SNX29: variants seen among roughly 807,000 people sequenced by gnomAD.
SNX29 encodes sorting nexin 29, also known as sorting nexin-29.
SNX29 carries 78 observed loss-of-function variants against 102.1 expected under a neutral mutation model. The ratio of observed to expected loss-of-function variants is 0.76; its 90% CI spans 0.64 to 0.92. SNX29 has a LOEUF of 0.92. SNX29 is among the 40% of genes least tolerant of loss of function. SNX29 has a pLI of 0.00. For synonymous variants in SNX29, 580 were observed against 414.5 expected (o/e 1.40, Z -4.85); for missense variants, 1,280 against 1,061.7 (o/e 1.21, Z -2.86).
At chr16:12,192,957 C>T (rs2141914980) in intron 13 of SNX29, among the ~76,000 whole-genome samples, 1 of 152,296 alleles carries the variant, frequency 6.6e-6, no homozygotes. Context: ...CTGCCTCGGC[C>T]TCCCAAAGTG....
chr16:11,991,271 G>A (rs952444285), intron 1 of SNX29, among the ~76,000 whole-genome samples: 14 of 152,118 alleles, frequency 9.2e-5, no homozygotes, highest in East Asian at 1.9e-4. Context: ...TGCCCTTCCC[G>A]ATGCTCTAGC....
intron 17 of SNX29, among the ~76,000 whole-genome samples, chr16:12,399,801 C>G (rs2083868501): frequency 6.6e-6 from 1 of 151,966 alleles, no homozygotes; most frequent in Admixed American, 6.6e-5. Context: ...GGATGAAAAT[C>G]AAAGGTGAAT....
At chr16:12,521,323 C>A (rs1407025427) in intron 19 of SNX29, among the ~76,000 whole-genome samples, 3 of 152,006 alleles carry the variant, frequency 2.0e-5, no homozygotes, top group African/African-American at 7.3e-5. Context: ...CAGAACCTGG[C>A]TTAGGTTTCC....
At chr16:12,566,633 T>TC (rs963469559) in intron 20 of SNX29, among the ~76,000 whole-genome samples, 2 of 152,316 alleles carry the variant, frequency 1.3e-5, no homozygotes, top group African/African-American at 4.8e-5. Flanking sequence ...AGCAAAGACC[T>TC]CCTTCCAGCA....
At chr16:12,552,400 C>T (rs759343856) in intron 20 of SNX29, among the ~76,000 whole-genome samples, 10 of 152,190 alleles carry the variant, frequency 6.6e-5, no homozygotes, top group Non-Finnish European at 1.0e-4. Context: ...TGGCGCAGAG[C>T]AGTGGTGAGG....
At chr16:12,104,579 A>C (rs959389661) in intron 11 of SNX29, among the ~76,000 whole-genome samples, 4 of 151,978 alleles carry the variant, frequency 2.6e-5, no homozygotes, top group Admixed American at 2.6e-4. Flanking sequence ...AATAAACAAA[A>C]AAAAAAAACC....
intron 16 of SNX29, among the ~76,000 whole-genome samples, chr16:12,380,318 A>G (rs2083026693): frequency 7.4e-6 from 1 of 135,060 alleles, no homozygotes; most frequent in Non-Finnish European, 1.6e-5. Flanking sequence ...CCCACCTATC[A>G]TCCACCCACC....
At chr16:12,516,611 C>G (rs1214910622) in intron 19 of SNX29, among the ~76,000 whole-genome samples, 1 of 152,092 alleles carries the variant, frequency 6.6e-6, no homozygotes, top group Admixed American at 6.6e-5. Flanking sequence ...TCAGCTGACT[C>G]CAAAGCAGAT....
intron 18 of SNX29, among the ~76,000 whole-genome samples, chr16:12,476,424 A>ATATATATACG (rs1390467289): frequency 2.2e-5 from 2 of 89,678 alleles, no homozygotes; most frequent in Non-Finnish European, 4.5e-5. Context: ...ATATATATAT[A>ATATATATACG]TATATATATA....
At chr16:12,410,287 C>T (rs2151542440) in intron 18 of SNX29, among the ~76,000 whole-genome samples, 1 of 152,250 alleles carries the variant, frequency 6.6e-6, no homozygotes, top group South Asian at 2.1e-4. Flanking sequence ...AGCCACTGCG[C>T]CTGGCCGCGT....
chr16:12,076,350 G>A (rs1191814605), intron 10 of SNX29, among the ~76,000 whole-genome samples: 1 of 150,936 alleles, frequency 6.6e-6, no homozygotes, highest in Non-Finnish European at 1.5e-5. Flanking sequence ...GCCCAGGCTG[G>A]AGTGCAGTGG....
At chr16:12,514,671 C>A (rs1219529114) in intron 19 of SNX29, among the ~76,000 whole-genome samples, 1 of 152,108 alleles carries the variant, frequency 6.6e-6, no homozygotes, top group Admixed American at 6.5e-5. Context: ...TCGAGACCAG[C>A]CTGGCCAACA....
At chr16:12,500,021 T>G (rs2089034547) in intron 19 of SNX29, among the ~76,000 whole-genome samples, 1 of 152,002 alleles carries the variant, frequency 6.6e-6, no homozygotes, top group African/African-American at 2.4e-5. Flanking sequence ...AGATAGGATC[T>G]TGCACTGTCA....
At chr16:12,384,722 A>G (rs1049653132) in intron 16 of SNX29, among the ~76,000 whole-genome samples, 1 of 152,122 alleles carries the variant, frequency 6.6e-6, no homozygotes, top group Non-Finnish European at 1.5e-5. Flanking sequence ...TTTGAACTTG[A>G]TGTGATCCCA....
At chr16:12,444,512 G>A (rs151296440) in intron 18 of SNX29, among the ~76,000 whole-genome samples, 1 of 152,376 alleles carries the variant, frequency 6.6e-6, no homozygotes, top group African/African-American at 2.4e-5. Flanking sequence ...CTGGTACATA[G>A]TAGATGTTGA....
chr16:12,314,820 C>T (rs2080678820), intron 15 of SNX29, among the ~76,000 whole-genome samples: 1 of 152,194 alleles, frequency 6.6e-6, no homozygotes, highest in South Asian at 2.1e-4. Context: ...AGAATAAAAG[C>T]CATCATGTCC....
At chr16:12,483,382 A>T (rs1486307851) in intron 19 of SNX29, among the ~76,000 whole-genome samples, 1 of 145,758 alleles carries the variant, frequency 6.9e-6, no homozygotes, top group East Asian at 2.0e-4. Context: ...CAGTGGTGTG[A>T]TCTCAGCTCA....
intron 20 of SNX29, among the ~76,000 whole-genome samples, chr16:12,554,933 A>G (rs372117137): frequency 6.6e-6 from 1 of 151,288 alleles, no homozygotes; most frequent in East Asian, 1.9e-4. Context: ...GAGGGCAGCA[A>G]GCACGGCCTC....
chr16:12,002,781 G>T (rs905686349), intron 2 of SNX29, among the ~76,000 whole-genome samples: 2 of 152,312 alleles, frequency 1.3e-5, no homozygotes, highest in African/African-American at 2.4e-5. Flanking sequence ...GGGAGATAAG[G>T]GTTTCCTTTA....
Sources: allele counts gnomAD v4.1 joint callset (sites outside exome capture counted in the v4.1 genomes callset), GRCh38; gene constraint gnomAD v4.1.1; transcripts MANE v1.5; gene names NCBI Gene and HGNC (gene_info 2026-07-23, HGNC 2026-07-21).